Variants in IKBKB-DT observed in about 807,000 individuals in gnomAD.
The protein encoded by IKBKB-DT is IKBKB antisense RNA.
At chr8:42,243,427 A>T (rs897581963) in intron 3 of IKBKB-DT, among the ~76,000 whole-genome samples, 5 of 152,186 alleles carry the variant, frequency 3.3e-5, no homozygotes, top group Admixed American at 3.3e-4. Flanking sequence ...AAAATAATTA[A>T]ACTATTTCTT....
chr8:42,239,614 T>TTTTATATATATATATATA lies in IKBKB-DT; in HGVS notation n.1530-5756_1530-5755insTATATATATATATATAAA, dbSNP rs1554502579. 5.8e-3 allele frequency among the ~76,000 whole-genome samples: 116 copies of TTTTATATATATATATATA among 19,870 alleles called. 8 individuals carry two copies. Among genetic ancestry groups the TTTTATATATATATATATA allele is most frequent in the South Asian group, 7.2e-3 (3 of 414 alleles). 13.0% of individuals were successfully genotyped at this position (19,870 alleles called of 152,430 possible). On this transcript the variant is annotated intron_variant and non_coding_transcript_variant, in intron 3 of 3. Coordinates refer to ENST00000518213, the Ensembl canonical transcript of IKBKB-DT. ...CCAACCAATTTTTGTAAAAGGCAAT[T>TTTTATATATATATATATA]TATATATATATATATATATATTTAT...
chr8:42,250,692 T>C (rs557780848), intron 3 of IKBKB-DT, among the ~76,000 whole-genome samples: 1 of 152,216 alleles, frequency 6.6e-6, no homozygotes, highest in South Asian at 2.1e-4. Context: ...CAAGATCAGA[T>C]CTTTCCCACT....
At chr8:42,255,049 C>T (rs1024194188) in intron 3 of IKBKB-DT, among the ~76,000 whole-genome samples, 3 of 149,244 alleles carry the variant, frequency 2.0e-5, no homozygotes. Flanking sequence ...CAGCTGCCGC[C>T]CTGTCTGGCA....
intron 1 of IKBKB-DT, among the ~76,000 whole-genome samples, chr8:42,266,774 G>A (rs906715771): frequency 1.3e-5 from 2 of 152,040 alleles, no homozygotes; most frequent in African/African-American, 4.8e-5. Flanking sequence ...ACATCTGGTC[G>A]TCCTCACTGT....
At chr8:42,247,319 C>T (rs1807076536) in intron 3 of IKBKB-DT, among the ~76,000 whole-genome samples, 1 of 152,210 alleles carries the variant, frequency 6.6e-6, no homozygotes, top group Non-Finnish European at 1.5e-5. Context: ...TTCGGACTTG[C>T]ATAGGACCAG....
intron 3 of IKBKB-DT, among the ~76,000 whole-genome samples, chr8:42,239,074 G>T (rs1189789557): frequency 6.6e-6 from 1 of 152,140 alleles, no homozygotes; most frequent in Non-Finnish European, 1.5e-5. Context: ...CCATCTGGCT[G>T]TGATGAGGTA....
At chr8:42,255,594 C>T (rs934539564) in intron 3 of IKBKB-DT, 1 of 152,148 alleles carries the variant, frequency 6.6e-6, no homozygotes, top group Non-Finnish European at 1.5e-5. Flanking sequence ...AACCTTAGTT[C>T]CTTAAAACTG....
chr8:42,244,551 T>C lies in IKBKB-DT; in HGVS notation n.1530-10692A>G, dbSNP rs187458787. Among the ~76,000 whole-genome samples, 139 of 151,914 alleles carry C rather than the reference T, an allele frequency of 9.1e-4. 2 individuals carry two copies. Among genetic ancestry groups the C allele is most frequent in the African/African-American group, 3.2e-3 (133 of 41,452 alleles). On this transcript the variant is annotated intron_variant and non_coding_transcript_variant, in intron 3 of 3. Coordinates refer to ENST00000518213, the Ensembl canonical transcript of IKBKB-DT. ...ATAATAATTTGAAAAAGCAATTGAATTTTTTTTTAATTTTTAGAGATGGGA... is the reference window on the plus strand; with the variant it reads ...ATAATAATTTGAAAAAGCAATTGAACTTTTTTTTAATTTTTAGAGATGGGA...
intron 3 of IKBKB-DT, among the ~76,000 whole-genome samples, chr8:42,242,438 G>T (rs934280567): frequency 1.3e-5 from 2 of 152,120 alleles, no homozygotes; most frequent in African/African-American, 2.4e-5. Context: ...GAGATATTAA[G>T]GTGGATGTTG....
intron 3 of IKBKB-DT, among the ~76,000 whole-genome samples, chr8:42,256,525 T>C (rs532860810): frequency 1.5e-4 from 23 of 152,106 alleles, no homozygotes; most frequent in Non-Finnish European, 2.4e-4. Flanking sequence ...TGAGCCAAGA[T>C]TGTGCCATTG....
intron 3 of IKBKB-DT, among the ~76,000 whole-genome samples, chr8:42,259,298 T>C (rs781229342): frequency 2.6e-4 from 40 of 152,202 alleles, no homozygotes; most frequent in Non-Finnish European, 4.7e-4. Context: ...GTGCTGGGAT[T>C]ACAGGCATGA....
intron 1 of IKBKB-DT, among the ~76,000 whole-genome samples, chr8:42,267,308 T>C (rs1412100475): frequency 6.6e-6 from 1 of 152,168 alleles, no homozygotes; most frequent in Non-Finnish European, 1.5e-5. Context: ...CCTACTTTCT[T>C]AATAAACTTG....
intron 3 of IKBKB-DT, among the ~76,000 whole-genome samples, chr8:42,236,331 T>A (rs891337826): frequency 5.9e-5 from 9 of 152,150 alleles, no homozygotes; most frequent in Non-Finnish European, 1.3e-4. Context: ...TCCTATGTAA[T>A]TTAACATATC....
intron 3 of IKBKB-DT, chr8:42,255,315 G>A (rs1051349292): frequency 3.3e-5 from 5 of 152,236 alleles, no homozygotes; most frequent in African/African-American, 9.6e-5. Context: ...AAATCATATA[G>A]GCTCTTTTTA....
chr8:42,250,775 C>G (rs747415460), intron 3 of IKBKB-DT, among the ~76,000 whole-genome samples: 10 of 152,096 alleles, frequency 6.6e-5, no homozygotes, highest in Admixed American at 2.0e-4. Context: ...TCCAGCTACT[C>G]AGGAGGCTGA....
intron 3 of IKBKB-DT, among the ~76,000 whole-genome samples, chr8:42,236,614 G>A (rs185042598): frequency 1.2e-4 from 18 of 152,178 alleles, no homozygotes; most frequent in East Asian, 9.7e-4. Context: ...AAAATTAGCC[G>A]GGCGTGGTGA....
At chr8:42,257,802 T>C (rs1187009353) in intron 3 of IKBKB-DT, among the ~76,000 whole-genome samples, 2 of 152,106 alleles carry the variant, frequency 1.3e-5, no homozygotes, top group African/African-American at 4.8e-5. Context: ...AATTTTTTTT[T>C]TAAAAGTCAA....
chr8:42,267,741 G>A (rs1474852257), intron 1 of IKBKB-DT, among the ~76,000 whole-genome samples: 2 of 152,180 alleles, frequency 1.3e-5, no homozygotes, highest in Non-Finnish European at 2.9e-5. Flanking sequence ...TATCTCCAGA[G>A]CAGGACAGAA....
intron 3 of IKBKB-DT, among the ~76,000 whole-genome samples, chr8:42,236,641 C>G (rs999884027): frequency 6.6e-6 from 1 of 152,140 alleles, no homozygotes; most frequent in Non-Finnish European, 1.5e-5. Context: ...CCTGTAATCC[C>G]AGCTACTTGG....
Sources: gnomAD v4.1 joint callset for allele counts (sites outside exome capture counted in the v4.1 genomes callset) on GRCh38, gnomAD v4.1.1 for gene constraint, MANE v1.5 for transcripts, NCBI Gene and HGNC (gene_info 2026-07-23, HGNC 2026-07-21) for gene names.